Variants in EBF1 observed in about 807,000 individuals in gnomAD.
EBF1 encodes the protein transcription factor COE1.
Under a neutral mutation model 68.4 loss-of-function variants are expected in EBF1, and 10 were observed. That is an observed-to-expected ratio of 0.15 (90% confidence interval 0.09 to 0.25). EBF1 has a LOEUF of 0.25. Among genes scored for constraint, EBF1 ranks in the 10% least tolerant of loss-of-function variants. The pLI, the probability that EBF1 is intolerant of heterozygous loss-of-function variation, is 1.00. For missense variants in EBF1, 509 were observed against 794.4 expected, an observed-to-expected ratio of 0.64 and a Z score of 4.32; for synonymous variants, 298 against 299.8, an observed-to-expected ratio of 0.99 and a Z score of 0.06.
chr5:159,046,287 A>T (rs968927257), intron 6 of EBF1, among the ~76,000 whole-genome samples: 4 of 152,204 alleles, frequency 2.6e-5, no homozygotes, highest in African/African-American at 9.6e-5. Context: ...CTGTTTCACT[A>T]GCATATGAGC....
chr5:158,861,752 G>A (rs1020153005), intron 6 of EBF1, among the ~76,000 whole-genome samples: 1 of 151,860 alleles, frequency 6.6e-6, no homozygotes, highest in Non-Finnish European at 1.5e-5. Context: ...TGGTTATGTG[G>A]CATCTTACAT....
chr5:158,791,953 A>C (rs1180931450), intron 9 of EBF1, among the ~76,000 whole-genome samples: 1 of 152,154 alleles, frequency 6.6e-6, no homozygotes, highest in Non-Finnish European at 1.5e-5. Flanking sequence ...ACTCTTTAGA[A>C]ATTGGAGGAA....
intron 6 of EBF1, among the ~76,000 whole-genome samples, chr5:159,030,475 T>C (rs1768554095): frequency 6.6e-6 from 1 of 152,184 alleles, no homozygotes; most frequent in East Asian, 1.9e-4. Context: ...AATGAAGCAC[T>C]AGAGAGAGGC....
intron 6 of EBF1, among the ~76,000 whole-genome samples, chr5:159,033,691 T>C (rs941396229): frequency 6.6e-6 from 1 of 152,216 alleles, no homozygotes; most frequent in Non-Finnish European, 1.5e-5. Context: ...CAAATGCCAT[T>C]GGCTGGTAAA....
chr5:159,016,353 C>T (rs1052802055), intron 6 of EBF1, among the ~76,000 whole-genome samples: 30 of 152,114 alleles, frequency 2.0e-4, no homozygotes, highest in African/African-American at 7.2e-4. Context: ...AGCTATGGCC[C>T]CTCAGACTGG....
chr5:158,780,400 A>G lies in EBF1; in HGVS notation c.910-2861T>C, dbSNP rs546875762. On this transcript the variant is annotated intron_variant, in intron 9 of 15. Transcript: ENST00000313708. ...CAAAGCAACAGAAGGAGGGAGGGCT[A>G]GTCTAAATTTTTCAAACTTTCATCA... Among the ~76,000 whole-genome samples, 8 of 152,286 alleles carry G rather than the reference A, an allele frequency of 5.3e-5. No individual in the cohort carries two copies. In the East Asian group the frequency reaches 1.5e-3, roughly 29 times the overall value.
At chr5:159,077,457 A>T (rs1278568925) in intron 5 of EBF1, among the ~76,000 whole-genome samples, 2 of 151,940 alleles carry the variant, frequency 1.3e-5, no homozygotes, top group African/African-American at 4.8e-5. Flanking sequence ...GAAAGAAATG[A>T]CTGCCCTAGA....
chr5:158,708,335 T>C (rs1002996304), intron 14 of EBF1, among the ~76,000 whole-genome samples, 162 bp from the exon 15 acceptor site: 3 of 152,214 alleles, frequency 2.0e-5, no homozygotes, highest in Non-Finnish European at 4.4e-5. Flanking sequence ...CCACTTTCAC[T>C]ATACAGAACT....
intron 5 of EBF1, 76 bp from the exon 6 acceptor site, chr5:159,073,540 A>T: frequency 6.5e-7 from 1 of 1,528,076 alleles, no homozygotes; most frequent in Non-Finnish European, 9.0e-7. Flanking sequence ...AGAAGGCTCA[A>T]ATTGCTGGGT....
intron 10 of EBF1, among the ~76,000 whole-genome samples, chr5:158,770,967 A>T (rs1192643812): frequency 6.6e-6 from 1 of 152,180 alleles, no homozygotes; most frequent in East Asian, 1.9e-4. Context: ...CTGTTTCAGG[A>T]CTTGGCCTAG....
intron 8 of EBF1, among the ~76,000 whole-genome samples, chr5:158,811,967 C>T (rs1223301014): frequency 6.6e-6 from 1 of 152,146 alleles, no homozygotes; most frequent in African/African-American, 2.4e-5. Context: ...CTGAGTCCCC[C>T]AGTTCTAAGC....
intron 10 of EBF1, among the ~76,000 whole-genome samples, chr5:158,758,075 G>T (rs138808215): frequency 6.6e-6 from 1 of 152,080 alleles, no homozygotes; most frequent in African/African-American, 2.4e-5. Context: ...TACTTTACTC[G>T]TATTATTTCA....
intron 6 of EBF1, among the ~76,000 whole-genome samples, chr5:158,841,065 G>A (rs533490115): frequency 1.6e-3 from 242 of 152,256 alleles, no homozygotes; most frequent in African/African-American, 5.6e-3. Flanking sequence ...TTCTGAATTG[G>A]TTCTGTAGTG....
intron 7 of EBF1, 33 bp from the exon 8 acceptor site, chr5:158,823,350 T>A: frequency 6.3e-7 from 1 of 1,583,362 alleles, no homozygotes; most frequent in Non-Finnish European, 8.6e-7. Flanking sequence ...AATGAACATT[T>A]TAATATAAAA....
intron 6 of EBF1, among the ~76,000 whole-genome samples, chr5:158,914,925 A>T (rs1806826212): frequency 6.6e-6 from 1 of 152,216 alleles, no homozygotes; most frequent in Admixed American, 6.5e-5. Flanking sequence ...ATTTCCTGAA[A>T]TATTACTGAA....
intron 6 of EBF1, among the ~76,000 whole-genome samples, chr5:158,865,708 T>A (rs963144726): frequency 2.0e-5 from 3 of 152,184 alleles, no homozygotes; most frequent in Non-Finnish European, 2.9e-5. Flanking sequence ...TTCCCCCAGA[T>A]CTTTTGCATA....
At chr5:158,787,207 A>C (rs759401363) in intron 9 of EBF1, among the ~76,000 whole-genome samples, 6 of 152,202 alleles carry the variant, frequency 3.9e-5, no homozygotes, top group Non-Finnish European at 5.9e-5. Context: ...AATATACTAA[A>C]TATAATTGCC....
intron 10 of EBF1, among the ~76,000 whole-genome samples, chr5:158,750,493 T>C (rs995830188): frequency 6.5e-4 from 99 of 152,106 alleles, no homozygotes; most frequent in African/African-American, 2.2e-3. Context: ...GAATCTAGTT[T>C]GCAACTGGGT....
chr5:158,778,638 A>G (rs1341223016), intron 9 of EBF1, among the ~76,000 whole-genome samples: 1 of 152,194 alleles, frequency 6.6e-6, no homozygotes, highest in Non-Finnish European at 1.5e-5. Context: ...GAGAGGCTGG[A>G]TGCGGCCAAT....
Sources: allele counts gnomAD v4.1 joint callset (sites outside exome capture counted in the v4.1 genomes callset), GRCh38; gene constraint gnomAD v4.1.1; transcripts MANE v1.5; gene names NCBI Gene and HGNC (gene_info 2026-07-23, HGNC 2026-07-21).